LAMC1: variants seen among roughly 807,000 people sequenced by gnomAD.
LAMC1 encodes the protein laminin subunit gamma 1.
LAMC1 carries 38 observed loss-of-function variants against 173.6 expected under a neutral mutation model. That is an observed-to-expected ratio of 0.22 (90% confidence interval 0.17 to 0.29). The LOEUF is 0.29. LAMC1 is among the 10% of genes least tolerant of loss of function. The pLI, the probability that LAMC1 is intolerant of heterozygous loss-of-function variation, is 1.00. For synonymous variants in LAMC1, 746 were observed against 749.1 expected (o/e 1.00, Z 0.07); for missense variants, 1,824 against 2,051.8 (o/e 0.89, Z 2.14).
chr1:183,139,548 G>T (rs1205100522), intron 26 of LAMC1, among the ~76,000 whole-genome samples: 1 of 152,122 alleles, frequency 6.6e-6, no homozygotes, highest in African/African-American at 2.4e-5. Flanking sequence ...TATTTGTGAA[G>T]GTTTTTTCTG....
chr1:183,041,801 T>G (rs974701682), intron 1 of LAMC1, among the ~76,000 whole-genome samples: 1 of 152,216 alleles, frequency 6.6e-6, no homozygotes, highest in African/African-American at 2.4e-5. Flanking sequence ...ATGCCCCTAG[T>G]GTACGGCATA....
chr1:183,031,391 G>A (rs563335382), intron 1 of LAMC1, among the ~76,000 whole-genome samples: 31 of 152,170 alleles, frequency 2.0e-4, no homozygotes, highest in Non-Finnish European at 3.1e-4. Flanking sequence ...TGCAACCTCT[G>A]CCTCCTGGGT....
At chr1:183,133,596 A>G in intron 22 of LAMC1, 46 bp downstream of exon 22, 1 of 1,551,204 alleles carries the variant, frequency 6.4e-7, no homozygotes, top group Middle Eastern at 2.2e-4. Flanking sequence ...TCTCTCCCCC[A>G]AGTCTATGTG....
chr1:183,090,250 C>T (rs1395064693), intron 1 of LAMC1, among the ~76,000 whole-genome samples: 1 of 151,700 alleles, frequency 6.6e-6, no homozygotes, highest in African/African-American at 2.4e-5. Context: ...AAAAAAAAAG[C>T]AGATGCATCT....
At chr1:183,078,809 G>A (rs527618257) in intron 1 of LAMC1, among the ~76,000 whole-genome samples, 3 of 152,144 alleles carry the variant, frequency 2.0e-5, no homozygotes, top group East Asian at 1.9e-4. Context: ...TCAGAAGTTC[G>A]AGACCAGCCT....
chr1:183,047,694 G>T (rs1169606769), intron 1 of LAMC1, among the ~76,000 whole-genome samples: 1 of 152,184 alleles, frequency 6.6e-6, no homozygotes, highest in African/African-American at 2.4e-5. Flanking sequence ...CCCCGTAGGG[G>T]TATTTAGTGG....
Position 183,125,412 on chromosome 1 carries a change from T to C in LAMC1, c.2663T>C (p.Leu888Pro), listed in dbSNP as rs20558. Residue 888 changes from leucine to proline, a missense_variant, in exon 15 of 28, where the codon CTG (leucine) becomes CCG (proline). By Grantham distance (98) the Leu-to-Pro change is moderately conservative. Coordinates refer to ENST00000258341, the MANE Select transcript of LAMC1 (RefSeq NM_002293.4). The part of the protein sequence containing the change: ...ADKCKACNCN[L>P]YGTMKQQSSC... The stretch of plus-strand genomic sequence containing the variant: ...CCTGCCTTAGCCTGCAATTGCAATC[T>C]GTATGGGACCATGAAGCAGCAGAGC... The C allele has an allele frequency of 0.57, 913,630 of 1,613,112 alleles. 262,214 individuals are homozygous for C. The highest frequency in any genetic ancestry group is 0.66 in the Admixed American group (39,659 of 59,978).
intron 1 of LAMC1, among the ~76,000 whole-genome samples, chr1:183,028,631 C>T (rs1012888356): frequency 6.6e-6 from 1 of 152,350 alleles, no homozygotes; most frequent in East Asian, 1.9e-4. Flanking sequence ...GCTTCTCTAA[C>T]GAGTCTCTCG....
intron 20 of LAMC1, 67 bp downstream of exon 20, chr1:183,131,445 G>GTA: frequency 9.7e-7 from 1 of 1,029,936 alleles, no homozygotes; most frequent in South Asian, 1.3e-5. Flanking sequence ...GTGTGTGTGT[G>GTA]TGTGTGTGTG....
intron 1 of LAMC1, among the ~76,000 whole-genome samples, chr1:183,067,094 C>T (rs1216450437): frequency 6.6e-6 from 1 of 152,070 alleles, no homozygotes; most frequent in Admixed American, 6.6e-5. Flanking sequence ...TCTAAGAGTG[C>T]ATTATAAGGT....
At chr1:183,113,677 G>T (rs551804325) in intron 4 of LAMC1, among the ~76,000 whole-genome samples, 2 of 152,088 alleles carry the variant, frequency 1.3e-5, no homozygotes, top group South Asian at 2.1e-4. Context: ...TTTTAATTCT[G>T]CTTTCATCTG....
chr1:183,125,351 T>C, intron 14 of LAMC1, 46 bp from the exon 15 acceptor site: 1 of 1,598,158 alleles, frequency 6.3e-7, no homozygotes, highest in Non-Finnish European at 8.6e-7. Flanking sequence ...TTAGTATTTC[T>C]CTCAGGTGAT....
At chr1:183,035,864 T>TA (rs1277753271) in intron 1 of LAMC1, among the ~76,000 whole-genome samples, 2 of 152,198 alleles carry the variant, frequency 1.3e-5, no homozygotes, top group African/African-American at 2.4e-5. Context: ...CTGTGATTGT[T>TA]ACTGCTTTAC....
chr1:183,107,723 G>A (rs535728555), intron 2 of LAMC1, among the ~76,000 whole-genome samples: 2 of 152,202 alleles, frequency 1.3e-5, no homozygotes, highest in East Asian at 1.9e-4. Context: ...CCAGCTACTC[G>A]GGAGGCTGAG....
At chr1:183,070,011 C>G (rs952913889) in intron 1 of LAMC1, among the ~76,000 whole-genome samples, 7 of 152,200 alleles carry the variant, frequency 4.6e-5, no homozygotes, top group Admixed American at 2.6e-4. Flanking sequence ...GTGCCCGGCA[C>G]ACAGTCTCTT....
chr1:183,062,773 G>A (rs185797042), intron 1 of LAMC1, among the ~76,000 whole-genome samples: 4 of 152,218 alleles, frequency 2.6e-5, no homozygotes, highest in East Asian at 3.9e-4. Flanking sequence ...GCAATATGGC[G>A]AAACCCCATC....
chr1:183,067,628 A>G (rs1424224171), intron 1 of LAMC1, among the ~76,000 whole-genome samples: 1 of 151,840 alleles, frequency 6.6e-6, no homozygotes, highest in Admixed American at 6.6e-5. Flanking sequence ...AGCTGGGACT[A>G]CAAGCGCACG....
chr1:183,036,851 C>T (rs1653998074), intron 1 of LAMC1, among the ~76,000 whole-genome samples: 2 of 152,214 alleles, frequency 1.3e-5, no homozygotes, highest in Admixed American at 6.5e-5. Context: ...TCTTGGCTCA[C>T]TGCAACCTCT....
intron 1 of LAMC1, among the ~76,000 whole-genome samples, chr1:183,077,793 T>TATATATATATATATATATATATATAC (rs1558040719): frequency 3.1e-4 from 45 of 147,100 alleles, no homozygotes; most frequent in African/African-American, 1.1e-3. Flanking sequence ...TATATATATA[T>TATATATATATATATATATATATATAC]ATACAGTAGC....
Sources: allele counts gnomAD v4.1 joint callset (sites outside exome capture counted in the v4.1 genomes callset), GRCh38; gene constraint gnomAD v4.1.1; transcripts MANE v1.5; gene names NCBI Gene and HGNC (gene_info 2026-07-23, HGNC 2026-07-21).